The following ZDHHC16 variants were observed in gnomAD, a reference collection of about 807,000 sequenced individuals.
ZDHHC16 encodes zDHHC palmitoyltransferase 16, also known as palmitoyltransferase ZDHHC16.
ZDHHC16 carries 33 observed loss-of-function variants against 54.4 expected under a neutral mutation model. The ratio of observed to expected loss-of-function variants is 0.61; its 90% CI spans 0.46 to 0.81. The LOEUF (loss-of-function observed/expected upper bound fraction) is 0.81, where lower values mean the gene tolerates loss of function less well. ZDHHC16 is among the 30% of genes least tolerant of loss of function. ZDHHC16 has a pLI of 0.00. For synonymous variants in ZDHHC16, 185 were observed against 182.1 expected, an observed-to-expected ratio of 1.02 and a Z score of -0.13; for missense variants, 420 against 485.9, an observed-to-expected ratio of 0.86 and a Z score of 1.28.
intron 11 of ZDHHC16, 123 bp downstream of exon 11, chr10:97,456,167 G>T (rs1847163791): frequency 1.0e-6 from 1 of 993,034 alleles, no homozygotes; most frequent in South Asian, 1.6e-5. Context: ...CTAGACTCTA[G>T]GAATAGAGAT....
At chr10:97,456,223 T>C in intron 11 of ZDHHC16, 179 bp downstream of exon 11, 1 of 615,458 alleles carries the variant, frequency 1.6e-6, no homozygotes, top group South Asian at 2.6e-5. Context: ...TACTGTGTGG[T>C]TTTAAGTAAC....
At chr10:97,447,266 A>G (rs747252727) in intron 1 of ZDHHC16, among the ~76,000 whole-genome samples, 1 of 152,230 alleles carries the variant, frequency 6.6e-6, no homozygotes, top group Non-Finnish European at 1.5e-5. Flanking sequence ...TGAGATTGCA[A>G]ACATCCTGAG....
At chr10:97,452,027 C>A in intron 3 of ZDHHC16, 63 bp from the exon 4 acceptor site, 1 of 1,604,882 alleles carries the variant, frequency 6.2e-7, no homozygotes, top group East Asian at 2.2e-5. Context: ...CCCAGGGAAA[C>A]TCCGAGTCTC....
rs1405697147 is a variant in ZDHHC16 at position 97,456,865 on chromosome 10, C to T, written c.1108C>T (p.His370Tyr). The T allele has an allele frequency of 6.2e-7, 1 of 1,612,748 alleles. No homozygotes were observed. Among genetic ancestry groups the T allele is most frequent in the Admixed American group, 1.7e-5 (1 of 59,960 alleles). ...GGAGCCCCCTCCCTGGGTGACTGCT[C>T]ACTCAGCCTCTGTGATGGCAGTGTG... ...SWEPPPWVTA[H>Y]SASVMAV The change falls in exon 12 of 12, where the codon CAC (histidine) becomes TAC (tyrosine). Residue 370 changes from histidine to tyrosine, a missense_variant. Coordinates refer to ENST00000393760, the MANE Select transcript of ZDHHC16 (RefSeq NM_198046.3).
chr10:97,456,877 G>A lies in ZDHHC16; in HGVS notation c.1120G>A (p.Val374Met), dbSNP rs1324081204. Residue 374 changes from valine to methionine, a missense_variant, in exon 12 of 12, where the codon GTG becomes ATG. Val to Met is a conservative substitution (Grantham distance 21). Transcript: ENST00000393760. ...CTGGGTGACTGCTCACTCAGCCTCT[G>A]TGATGGCAGTGTGAGCTGGACTGTG... The part of the protein sequence containing the change: ...PPWVTAHSAS[V>M]MAV The A allele has an allele frequency of 6.8e-6, 11 of 1,611,344 alleles. No individual in the cohort carries two copies. Among genetic ancestry groups the A allele is most frequent in the Non-Finnish European group, 9.3e-6 (11 of 1,178,928 alleles).
chr10:97,454,739 C>T lies in ZDHHC16; in HGVS notation c.764C>T (p.Thr255Ile). Residue 255 changes from threonine (T) to isoleucine (I), a missense_variant, in exon 9 of 12, where the codon ACC becomes ATC. Physicochemically the swap from Thr to Ile is moderately conservative, Grantham distance 89 (BLOSUM62 -1). Transcript: ENST00000393760. The part of the protein sequence containing the change: ...NQTYHQTPPP[T>I]FSFRERMTHK... ...ACTTATCACCAGACCCCACCACCCA[C>T]CTTCTCCTTTCGAGAAAGGATGACT... 1 of 1,614,216 alleles carries T rather than the reference C, an allele frequency of 6.2e-7. No homozygotes were observed. Among genetic ancestry groups the T allele is most frequent in the Non-Finnish European group, 8.5e-7 (1 of 1,180,040 alleles).
intron 9 of ZDHHC16, among the ~76,000 whole-genome samples, chr10:97,455,221 TTAC>T: frequency 6.6e-6 from 1 of 152,200 alleles, no homozygotes; most frequent in East Asian, 1.9e-4. Context: ...CCCTGGGTGT[TTAC>T]TACTTCCCAC....
At chr10:97,455,546 G>T in intron 9 of ZDHHC16, 114 bp from the exon 10 acceptor site, 1 of 1,551,798 alleles carries the variant, frequency 6.4e-7, no homozygotes, top group Non-Finnish European at 8.8e-7. Context: ...TGGGAGGTGA[G>T]GAAGACTTAG....
At chr10:97,446,440 G>T (rs1263600017) in intron 1 of ZDHHC16, 87 bp downstream of exon 1, 2 of 202,438 alleles carry the variant, frequency 9.9e-6, no homozygotes, top group Non-Finnish European at 2.0e-5. Flanking sequence ...TTGAGTGCGG[G>T]TTCCTGCTCT....
At position 97,451,898 on chromosome 10, in the gene ZDHHC16, G is replaced by A. The variant is rs745683913; in HGVS notation, c.223G>A (p.Val75Met). 11 of 1,612,590 alleles carry A rather than the reference G, an allele frequency of 6.8e-6. No homozygotes were observed. Among genetic ancestry groups the A allele is most frequent in the South Asian group, 1.1e-5 (1 of 90,844 alleles). The change falls in exon 3 of 12, where the codon GTG becomes ATG. Residue 75 changes from valine (V) to methionine (M), a missense_variant. Physicochemically the swap from Val to Met is conservative, Grantham distance 21. Coordinates refer to ENST00000393760, the MANE Select transcript of ZDHHC16 (RefSeq NM_198046.3). ...FEPVYWLVDNVIRWFGVVFVV... is the reference protein window; with the variant it reads ...FEPVYWLVDNMIRWFGVVFVV... ...GCCTGTCTACTGGCTGGTAGACAAC[G>A]TGATCCGCTGGTTTGGAGTGGTGAG...
intron 5 of ZDHHC16, 79 bp downstream of exon 5, chr10:97,452,582 G>A (rs1846747513): frequency 6.9e-7 from 1 of 1,458,216 alleles, no homozygotes; most frequent in Non-Finnish European, 9.4e-7. Flanking sequence ...CCTTGAGTTT[G>A]CTAAGACATG....
In ZDHHC16 at chr10:97,456,759, TTC is replaced by T. The variant is rs757930870; in HGVS notation, c.1020-12_1020-11del. 15 of 1,567,358 alleles carry T rather than the reference TTC, an allele frequency of 9.6e-6. No individual in the cohort carries two copies. Among genetic ancestry groups the T allele is most frequent in the Admixed American group, 1.7e-5 (1 of 57,710 alleles). On this transcript the variant is annotated splice_polypyrimidine_tract_variant and intron_variant, in intron 11 of 11. Transcript: ENST00000393760. ...CAAGAATTCTTGAACTCAGAGACAT[TTC>T]TCTCTTCTCTTCTAGGCACTGGCTT... is the stretch of plus-strand genomic sequence containing the variant.
At chr10:97,448,522 C>T (rs1404774467) in intron 1 of ZDHHC16, among the ~76,000 whole-genome samples, 1 of 152,110 alleles carries the variant, frequency 6.6e-6, no homozygotes, top group African/African-American at 2.4e-5. Flanking sequence ...TTTGGGAGGC[C>T]AAGGCAGACA....
At position 97,453,525 on chromosome 10, in the gene ZDHHC16, A is replaced by G; in HGVS notation, c.557-5A>G. The G allele has an allele frequency of 6.2e-7, 1 of 1,613,766 alleles. No individual in the cohort carries two copies. The highest frequency in any genetic ancestry group is 8.5e-7 in the Non-Finnish European group (1 of 1,179,920). ...GATTCTAGTCCTTAATCATTTCCCA[A>G]CCAGCCTGGCTAAACAATTGTGTGG... On this transcript the variant is annotated splice_region_variant and splice_polypyrimidine_tract_variant and intron_variant, in intron 6 of 11. Coordinates refer to ENST00000393760, the MANE Select transcript of ZDHHC16 (RefSeq NM_198046.3).
intron 1 of ZDHHC16, among the ~76,000 whole-genome samples, chr10:97,446,916 A>G (rs543930588): frequency 3.9e-5 from 6 of 152,132 alleles, no homozygotes; most frequent in Non-Finnish European, 5.9e-5. Context: ...ACGGGGTTTC[A>G]CCATGTTAGC....
rs550508587 is a variant in ZDHHC16, at chr10:97,457,018, T to G, written c.*127T>G. 1.7e-6 allele frequency: 1 copy of G among 599,954 alleles called. No individual in the cohort carries two copies. The highest frequency in any genetic ancestry group is 3.0e-5 in the South Asian group (1 of 32,850). 37.2% of individuals were successfully genotyped at this position (599,954 alleles called of 1,614,324 possible). On this transcript the variant is annotated 3_prime_UTR_variant, in exon 12 of 12. Coordinates refer to ENST00000393760, the MANE Select transcript of ZDHHC16 (RefSeq NM_198046.3). ...CCAGTGGGCCTGCCTTAGGGTACCA[T>G]GCAGGACAATTCAAGGACCAGCCTT...
rs1460827527 is a variant in ZDHHC16 at position 97,446,262 on chromosome 10, C to A, written c.-277C>A. ...ATGGTGGTTTGGATTGAGCCGGGCC[C>A]GGCCGGGGCGCCGAGTCGGAGGGGG... On this transcript the variant is annotated 5_prime_UTR_variant, in exon 1 of 12. Transcript: ENST00000393760. 1.3e-5 allele frequency: 7 copies of A among 541,938 alleles called. No homozygotes were observed. The highest frequency in any genetic ancestry group is 9.7e-5 in the East Asian group (3 of 30,934). 33.6% of individuals were successfully genotyped at this position (541,938 alleles called of 1,614,324 possible).
chr10:97,447,783 C>T (rs988781770), intron 1 of ZDHHC16, among the ~76,000 whole-genome samples: 12 of 152,022 alleles, frequency 7.9e-5, no homozygotes, highest in Non-Finnish European at 7.4e-5. Flanking sequence ...ATTAGCCAGG[C>T]GTGGTGGCAC....
chr10:97,457,096 C>G lies in ZDHHC16; in HGVS notation c.*205C>G, dbSNP rs2029880906. 1 of 355,196 alleles carries G rather than the reference C, an allele frequency of 2.8e-6. No homozygotes were observed. The highest frequency in any genetic ancestry group is 2.1e-5 in the African/African-American group (1 of 47,802). 22.0% of individuals were successfully genotyped at this position (355,196 alleles called of 1,614,324 possible). ...GTGGAGAAATCTTAGGACTGACATC[C>G]CTTTACTCAGGCAAACAGAAGTTCC... is the stretch of plus-strand genomic sequence containing the variant. On this transcript the variant is annotated 3_prime_UTR_variant, in exon 12 of 12. Coordinates refer to ENST00000393760, the MANE Select transcript of ZDHHC16 (RefSeq NM_198046.3).
Sources: allele counts gnomAD v4.1 joint callset (sites outside exome capture counted in the v4.1 genomes callset), GRCh38; gene constraint gnomAD v4.1.1; transcripts MANE v1.5; gene names NCBI Gene and HGNC (gene_info 2026-07-23, HGNC 2026-07-21).